Variants in CLEC5A observed in about 807,000 individuals in gnomAD.
The protein encoded by CLEC5A is C-type lectin domain family 5 member A.
Under a neutral mutation model 24.4 loss-of-function variants are expected in CLEC5A, and 15 were observed. The ratio of observed to expected loss-of-function variants is 0.62; its 90% CI spans 0.41 to 0.95. CLEC5A has a LOEUF of 0.95. CLEC5A is among the 40% of genes least tolerant of loss of function. The pLI is 0.00. For missense variants in CLEC5A, 211 were observed against 224.0 expected, an observed-to-expected ratio of 0.94 and a Z score of 0.37; for synonymous variants, 71 against 72.6, an observed-to-expected ratio of 0.98 and a Z score of 0.11.
In CLEC5A at chr7:141,930,225, G is replaced by A. The variant is rs1802415611; in HGVS notation, c.453-7C>T. ...CTGATTCTGATTGGTAACACTAAAT[G>A]AGAAAACAAAACAAAACAAAACAAA... On this transcript the variant is annotated splice_polypyrimidine_tract_variant and splice_region_variant and intron_variant, in intron 6 of 6. Coordinates refer to ENST00000546910, the MANE Select transcript of CLEC5A (RefSeq NM_013252.3). The A allele has an allele frequency of 6.3e-7, 1 of 1,597,826 alleles. No homozygotes were observed. Among genetic ancestry groups the A allele is most frequent in the Admixed American group, 1.7e-5 (1 of 59,780 alleles).
intron 1 of CLEC5A, among the ~76,000 whole-genome samples, 157 bp downstream of exon 1, chr7:141,946,650 C>T (rs1802966532): frequency 6.6e-6 from 1 of 152,178 alleles, no homozygotes. Flanking sequence ...CCCTTGTTCC[C>T]AAGGACCTTA....
intron 4 of CLEC5A, among the ~76,000 whole-genome samples, chr7:141,936,593 T>C (rs1427698608): frequency 6.6e-6 from 1 of 152,130 alleles, no homozygotes; most frequent in East Asian, 1.9e-4. Flanking sequence ...CTGAATTGCT[T>C]TGGGGCCCTA....
intron 3 of CLEC5A, among the ~76,000 whole-genome samples, chr7:141,944,612 T>C (rs1584854677): frequency 6.6e-6 from 1 of 152,176 alleles, no homozygotes; most frequent in Non-Finnish European, 1.5e-5. Flanking sequence ...CTGGGAACAC[T>C]GGCTGTCTGA....
chr7:141,930,386 G>A (rs577333091), intron 6 of CLEC5A, among the ~76,000 whole-genome samples, 168 bp from the exon 7 acceptor site: 62 of 152,282 alleles, frequency 4.1e-4, no homozygotes, highest in Middle Eastern at 6.8e-3. Context: ...CATCTGCGTA[G>A]CCTCCTTTTT....
Position 141,946,052 on chromosome 7 carries a change from G to A in CLEC5A, c.79+162C>T. The A allele has an allele frequency of 4.4e-6, 3 of 678,452 alleles. No homozygotes were observed. In the South Asian group the frequency reaches 5.7e-5, roughly 13 times the overall value. The allele number at this position is 678,452 out of a possible 1,614,324, so 42.0% of individuals were successfully genotyped here. A position where few individuals can be genotyped will look rare whatever the true frequency, so the allele number is the denominator to read the frequency against. On this transcript the variant is annotated intron_variant, in intron 2 of 6. Transcript: ENST00000546910. ...GGAGCCTGGGCCACTGTGTGTGCTGGGGAGTGAGAAAGGCATTGCCAATTG... is the reference window on the plus strand; with the variant it reads ...GGAGCCTGGGCCACTGTGTGTGCTGAGGAGTGAGAAAGGCATTGCCAATTG...
chr7:141,933,591 T>C (rs1554440663), intron 5 of CLEC5A, among the ~76,000 whole-genome samples: 1 of 81,552 alleles, frequency 1.2e-5, no homozygotes, highest in African/African-American at 3.4e-5. Context: ...TATATATATA[T>C]ATATATATAT....
rs201744532 is a variant in CLEC5A, at chr7:141,945,373, T to A, written c.107A>T (p.Asp36Val). Residue 36 changes from aspartate (D) to valine (V), a missense_variant, in exon 3 of 7, where the codon GAT (aspartate) becomes GTT (valine). Physicochemically the swap from Asp to Val is radical, Grantham distance 152 (BLOSUM62 -3). Coordinates refer to ENST00000546910, the MANE Select transcript of CLEC5A (RefSeq NM_013252.3). ...ATAGCTCCTGGTGGTGGTGAAACCATCGTTACTTTTGTTAAAAATCTGTGG... is the reference window on the plus strand; with the variant it reads ...ATAGCTCCTGGTGGTGGTGAAACCAACGTTACTTTTGTTAAAAATCTGTGG... ...YFPQIFNKSN[D>V]GFTTTRSYGT... The A allele has an allele frequency of 1.2e-6, 2 of 1,613,342 alleles. No homozygotes were observed. Among genetic ancestry groups the A allele is most frequent in the East Asian group, 4.5e-5 (2 of 44,862 alleles).
At chr7:141,946,093 A>AAGACTTG in intron 2 of CLEC5A, 121 bp downstream of exon 2, 1 of 1,068,998 alleles carries the variant, frequency 9.4e-7, no homozygotes, top group African/African-American at 1.6e-5. Context: ...AGGTTGGGTC[A>AAGACTTG]GTTAGTCTCA....
intron 4 of CLEC5A, among the ~76,000 whole-genome samples, chr7:141,942,804 T>C (rs978925899): frequency 6.6e-6 from 1 of 152,062 alleles, no homozygotes; most frequent in Admixed American, 6.6e-5. Context: ...GTTGTACAAA[T>C]GGCAAATAGA....
chr7:141,942,413 T>C (rs1175710490), intron 4 of CLEC5A, among the ~76,000 whole-genome samples: 1 of 152,104 alleles, frequency 6.6e-6, no homozygotes, highest in Non-Finnish European at 1.5e-5. Context: ...TCTTGACATA[T>C]ACAAAAACCA....
At chr7:141,934,635 TTTTTTTTTG>T (rs1802565984) in intron 5 of CLEC5A, among the ~76,000 whole-genome samples, 2 of 134,362 alleles carry the variant, frequency 1.5e-5, no homozygotes, top group African/African-American at 5.8e-5. Context: ...TTTTTTTTTT[TTTTTTTTTG>T]AGACAGAGCC....
intron 4 of CLEC5A, among the ~76,000 whole-genome samples, chr7:141,942,240 C>G (rs1802815468): frequency 6.6e-6 from 1 of 151,948 alleles, no homozygotes; most frequent in Admixed American, 6.6e-5. Context: ...GACATATAGA[C>G]CAGAACAGAA....
chr7:141,943,759 G>C (rs879995375), intron 4 of CLEC5A, 137 bp downstream of exon 4: 1 of 670,382 alleles, frequency 1.5e-6, no homozygotes, highest in East Asian at 2.6e-5. Flanking sequence ...TATGTACAAA[G>C]AGAATGAACT....
At position 141,930,118 on chromosome 7, in the gene CLEC5A, T is replaced by C; in HGVS notation, c.553A>G (p.Lys185Glu). Residue 185 changes from lysine (K) to glutamate (E), a missense_variant, in exon 7 of 7, where the codon AAG becomes GAG. Transcript: ENST00000546910. Reference protein sequence around the residue: ...CDISYRRICEKNAK With the variant: ...CDISYRRICEENAK ...GGGAACTGTGATCATTTGGCATTCT[T>C]CTCACAGATCCTGCGGTAGCTGATG... 4 of 1,613,552 alleles carry C rather than the reference T, an allele frequency of 2.5e-6. No individual in the cohort carries two copies. The highest frequency in any genetic ancestry group is 2.7e-5 in the African/African-American group (2 of 75,030).
At chr7:141,946,044 G>A (rs2128962994) in intron 2 of CLEC5A, 170 bp downstream of exon 2, 1 of 644,116 alleles carries the variant, frequency 1.6e-6, no homozygotes. Flanking sequence ...GGGCCACTGT[G>A]TGTGCTGGGG....
intron 5 of CLEC5A, among the ~76,000 whole-genome samples, chr7:141,934,143 C>T (rs1297756464): frequency 2.0e-5 from 3 of 152,100 alleles, no homozygotes; most frequent in Middle Eastern, 3.2e-3. Flanking sequence ...GGAGAACTGG[C>T]GTTTAACCCA....
At chr7:141,944,799 A>T (rs1554441949) in intron 3 of CLEC5A, among the ~76,000 whole-genome samples, 1 of 152,178 alleles carries the variant, frequency 6.6e-6, no homozygotes, top group Non-Finnish European at 1.5e-5. Context: ...AGACTCTAAG[A>T]TGTAATAGCC....
At chr7:141,940,437 G>A (rs569857145) in intron 4 of CLEC5A, among the ~76,000 whole-genome samples, 2 of 151,430 alleles carry the variant, frequency 1.3e-5, no homozygotes, top group African/African-American at 4.8e-5. Context: ...TAAGACGGAA[G>A]TTTATACCTA....
intron 5 of CLEC5A, among the ~76,000 whole-genome samples, 179 bp downstream of exon 5, chr7:141,935,635 A>G (rs563310234): frequency 1.3e-5 from 2 of 152,280 alleles, no homozygotes; most frequent in South Asian, 4.1e-4. Flanking sequence ...ATGCTGCTTC[A>G]CTGCTACTAA....
Sources: gnomAD v4.1 joint callset for allele counts (sites outside exome capture counted in the v4.1 genomes callset) on GRCh38, gnomAD v4.1.1 for gene constraint, MANE v1.5 for transcripts, NCBI Gene and HGNC (gene_info 2026-07-23, HGNC 2026-07-21) for gene names.